Variants in WDR70 observed in about 807,000 individuals in gnomAD.
WDR70 encodes the protein WD repeat-containing protein 70.
WDR70 carries 53 observed loss-of-function variants against 88.6 expected under a neutral mutation model. The observed-to-expected ratio is 0.60, with a 90% CI of 0.48 to 0.75. WDR70 has a LOEUF of 0.75. WDR70 is among the 30% of genes least tolerant of loss of function. The pLI, the probability that WDR70 is intolerant of heterozygous loss-of-function variation, is 0.00. For synonymous variants in WDR70, 280 were observed against 270.0 expected, an observed-to-expected ratio of 1.04 and a Z score of -0.36; for missense variants, 610 against 823.2, an observed-to-expected ratio of 0.74 and a Z score of 3.17.
intron 9 of WDR70, among the ~76,000 whole-genome samples, chr5:37,555,667 C>T (rs1055312023): frequency 1.8e-4 from 27 of 152,178 alleles, no homozygotes; most frequent in African/African-American, 6.3e-4. Flanking sequence ...AAGCCCCTTT[C>T]CCTGCTGTGA....
In WDR70 at chr5:37,725,546, A is replaced by C. The variant is rs528759352; in HGVS notation, c.1714+496A>C. On this transcript the variant is annotated intron_variant, in intron 16 of 17. Coordinates refer to ENST00000265107, the MANE Select transcript of WDR70 (RefSeq NM_018034.4). ...AGAAGTAGGTACCAGAAGAAAGCCA[A>C]GCAGCACTGGCTAATAGTATAGCAC... Among the ~76,000 whole-genome samples, 13 of 152,258 alleles carry C rather than the reference A, an allele frequency of 8.5e-5. No individual in the cohort carries two copies. The South Asian group carries it at 2.7e-3, about 32-fold the overall frequency.
intron 7 of WDR70, among the ~76,000 whole-genome samples, chr5:37,475,076 G>C (rs1350820084): frequency 6.6e-6 from 1 of 151,722 alleles, no homozygotes; most frequent in Non-Finnish European, 1.5e-5. Context: ...GCGCTACCAC[G>C]CCTGGCTAAT....
At chr5:37,381,771 T>C (rs1187404494) in intron 3 of WDR70, 86 bp downstream of exon 3, 4 of 1,409,832 alleles carry the variant, frequency 2.8e-6, no homozygotes, top group Non-Finnish European at 3.9e-6. Context: ...AAAAGAATGT[T>C]GGCTGGGCGC....
intron 9 of WDR70, among the ~76,000 whole-genome samples, chr5:37,571,440 G>T (rs1742902400): frequency 6.6e-6 from 1 of 152,176 alleles, no homozygotes; most frequent in South Asian, 2.1e-4. Flanking sequence ...CAAAGAGTCT[G>T]TTGTTGCCTA....
intron 7 of WDR70, among the ~76,000 whole-genome samples, chr5:37,455,634 A>ATATTT (rs1738812434): frequency 5.3e-5 from 1 of 18,978 alleles, no homozygotes; most frequent in Non-Finnish European, 2.3e-4. Context: ...AGTTCTCTTT[A>ATATTT]TCTTTTTTTT....
At chr5:37,577,042 T>C (rs1479282740) in intron 9 of WDR70, among the ~76,000 whole-genome samples, 9 of 152,274 alleles carry the variant, frequency 5.9e-5, no homozygotes, top group Middle Eastern at 3.4e-3. Flanking sequence ...TCAGACCTTA[T>C]CATCTGATCA....
chr5:37,400,512 A>C (rs1561838034), intron 5 of WDR70, among the ~76,000 whole-genome samples: 1 of 152,130 alleles, frequency 6.6e-6, no homozygotes, highest in Non-Finnish European at 1.5e-5. Context: ...AAAAAGAGTC[A>C]CCAGAAAGCG....
intron 5 of WDR70, among the ~76,000 whole-genome samples, chr5:37,418,741 TATC>T (rs1749841149): frequency 6.6e-6 from 1 of 152,166 alleles, no homozygotes; most frequent in African/African-American, 2.4e-5. Flanking sequence ...GGATATTTAC[TATC>T]ATCAGTAATT....
chr5:37,390,459 C>G (rs1204897514), intron 3 of WDR70, among the ~76,000 whole-genome samples: 1 of 151,656 alleles, frequency 6.6e-6, no homozygotes, highest in Non-Finnish European at 1.5e-5. Flanking sequence ...CTTGCCTCAG[C>G]CTCCTGTGTA....
Position 37,605,127 on chromosome 5 carries a change from G to A in WDR70, c.981G>A (p.Thr327=), listed in dbSNP as rs1322275868. ...KKQKSVFKPR[T]MQGKKVIPTT... Reference sequence around the variant, plus strand: ...AAAAAAGTGTGTTTAAACCACGGACGATGCAAGGCAAAAAAGTCATTCCCA... The same window carrying A: ...AAAAAAGTGTGTTTAAACCACGGACAATGCAAGGCAAAAAAGTCATTCCCA... Residue 327 remains threonine (T), a synonymous_variant, in exon 10 of 18, where the codon ACG becomes ACA. Coordinates refer to ENST00000265107, the MANE Select transcript of WDR70 (RefSeq NM_018034.4). The A allele has an allele frequency of 2.5e-6, 4 of 1,613,112 alleles. No homozygotes were observed. Among genetic ancestry groups the A allele is most frequent in the South Asian group, 1.1e-5 (1 of 90,918 alleles).
At chr5:37,551,227 C>T (rs946159861) in intron 9 of WDR70, among the ~76,000 whole-genome samples, 9 of 151,788 alleles carry the variant, frequency 5.9e-5, no homozygotes, top group Admixed American at 5.9e-4. Context: ...ATCACTTGAA[C>T]CCGGGAGGCA....
chr5:37,568,906 C>A (rs1295738257), intron 9 of WDR70, among the ~76,000 whole-genome samples: 1 of 152,104 alleles, frequency 6.6e-6, no homozygotes, highest in Non-Finnish European at 1.5e-5. Flanking sequence ...TGAAACTAAG[C>A]CCAAAGAGCT....
intron 8 of WDR70, among the ~76,000 whole-genome samples, chr5:37,495,542 C>T (rs1180448822): frequency 6.6e-6 from 1 of 151,974 alleles, no homozygotes; most frequent in Non-Finnish European, 1.5e-5. Context: ...AATTAATGTC[C>T]TCTCTCAAAG....
intron 9 of WDR70, among the ~76,000 whole-genome samples, chr5:37,549,345 C>A (rs918222146): frequency 6.6e-6 from 1 of 152,014 alleles, no homozygotes; most frequent in East Asian, 1.9e-4. Context: ...TTGTAGAGAT[C>A]TTTTACTTCT....
intron 5 of WDR70, among the ~76,000 whole-genome samples, chr5:37,424,519 C>T (rs961504668): frequency 5.9e-5 from 9 of 151,538 alleles, no homozygotes; most frequent in African/African-American, 2.2e-4. Context: ...ATCCTTCCAC[C>T]TCTGCTTGCT....
rs193121369 is a variant in WDR70 at position 37,551,692 on chromosome 5, C to T, written c.917+35102C>T. On this transcript the variant is annotated intron_variant, in intron 9 of 17. Coordinates refer to ENST00000265107, the MANE Select transcript of WDR70 (RefSeq NM_018034.4). ...GCAGTGAGCTGAGACTGTGCCATTG[C>T]ACTCCAGCCTGGGTGAGAAAGTGAG... 5.9e-3 allele frequency among the ~76,000 whole-genome samples: 881 copies of T among 148,864 alleles called. 7 individuals carry two copies. The highest frequency in any genetic ancestry group is 0.017 in the Middle Eastern group (5 of 286).
At chr5:37,699,396 T>C (rs1450195703) in intron 11 of WDR70, among the ~76,000 whole-genome samples, 77 of 20,122 alleles carry the variant, frequency 3.8e-3, no homozygotes, top group African/African-American at 4.6e-3. Flanking sequence ...TGTGTGTATA[T>C]ATATATACAC....
At chr5:37,415,652 G>T (rs1461238161) in intron 5 of WDR70, among the ~76,000 whole-genome samples, 1 of 149,168 alleles carries the variant, frequency 6.7e-6, no homozygotes, top group Admixed American at 6.6e-5. Context: ...GCGGCTGGCC[G>T]GGCGGGGGGC....
At chr5:37,611,795 T>A (rs76072192) in intron 10 of WDR70, among the ~76,000 whole-genome samples, 64,848 of 135,428 alleles carry the variant, frequency 0.48, 15,161 homozygotes, top group Non-Finnish European at 0.55. Flanking sequence ...TTTTTTTTTT[T>A]TAAAAAAAAA....
Sources: gnomAD v4.1 joint callset for allele counts (sites outside exome capture counted in the v4.1 genomes callset) on GRCh38, gnomAD v4.1.1 for gene constraint, MANE v1.5 for transcripts, NCBI Gene and HGNC (gene_info 2026-07-23, HGNC 2026-07-21) for gene names.